The following NAV2 variants were observed in gnomAD, a reference collection of about 807,000 sequenced individuals.
NAV2 encodes helicase, APC down-regulated 1.
In NAV2, 54 loss-of-function variants were observed where a neutral mutation model predicts 223.2. The ratio of observed to expected loss-of-function variants is 0.24; its 90% CI spans 0.19 to 0.30. NAV2 has a LOEUF of 0.30. NAV2 is among the 10% of genes least tolerant of loss of function. The pLI, the probability that NAV2 is intolerant of heterozygous loss-of-function variation, is 1.00. For synonymous variants in NAV2, 1,279 were observed against 1,239.3 expected (o/e 1.03, Z -0.67); for missense variants, 2,806 against 3,147.5 (o/e 0.89, Z 2.60).
At chr11:19,636,542 G>A (rs1181143357) in intron 1 of NAV2, among the ~76,000 whole-genome samples, 1 of 150,654 alleles carries the variant, frequency 6.6e-6, no homozygotes, top group Non-Finnish European at 1.5e-5. Flanking sequence ...CCAGGCTGGA[G>A]TGCAATGGCG....
At chr11:19,906,712 C>T (rs2042890661) in intron 6 of NAV2, among the ~76,000 whole-genome samples, 1 of 152,160 alleles carries the variant, frequency 6.6e-6, no homozygotes, top group East Asian at 1.9e-4. Flanking sequence ...GAAGCAGATG[C>T]TGGCAGGTCG....
At chr11:19,777,571 C>A in intron 1 of NAV2, 1 of 454,670 alleles carries the variant, frequency 2.2e-6, no homozygotes, top group Admixed American at 2.4e-5. Context: ...TTTTTAACCC[C>A]CCACCCCGCC....
chr11:19,630,922 C>CAAAAAAAAAAAAAAAAAGAAAAAAAAAAA (rs10642100), intron 1 of NAV2, among the ~76,000 whole-genome samples: 3 of 100,146 alleles, frequency 3.0e-5, no homozygotes, highest in African/African-American at 4.3e-5. Context: ...GGTCCTGTTG[C>CAAAAAAAAAAAAAAAAAGAAAAAAAAAAA]AAAAAAAAAA....
intron 6 of NAV2, among the ~76,000 whole-genome samples, chr11:19,932,275 A>T: frequency 6.7e-6 from 1 of 149,020 alleles, no homozygotes; most frequent in Non-Finnish European, 1.5e-5. Context: ...GAAAAGGAAA[A>T]AAAAAAAGCT....
intron 1 of NAV2, among the ~76,000 whole-genome samples, chr11:19,715,688 G>A (rs114749471): frequency 5.9e-5 from 9 of 152,078 alleles, no homozygotes; most frequent in Non-Finnish European, 1.0e-4. Flanking sequence ...TCATCACCCT[G>A]TCCGTGAAAA....
intron 1 of NAV2, among the ~76,000 whole-genome samples, chr11:19,421,763 G>GGTT (rs1235395216): frequency 4.0e-5 from 1 of 25,316 alleles, no homozygotes; most frequent in East Asian, 2.9e-3. Flanking sequence ...TAAGAGAGAG[G>GGTT]CTTTTTTTTT....
chr11:20,065,938 C>T (rs1223204568), intron 20 of NAV2, among the ~76,000 whole-genome samples: 2 of 152,188 alleles, frequency 1.3e-5, no homozygotes, highest in African/African-American at 4.8e-5. Flanking sequence ...GAGAATATGC[C>T]TAGGCTCTGG....
chr11:19,448,994 A>AT (rs557349572), intron 1 of NAV2, among the ~76,000 whole-genome samples: 19 of 150,584 alleles, frequency 1.3e-4, no homozygotes, highest in South Asian at 4.2e-4. Context: ...GTGTGAGACT[A>AT]TTTTTTTTTT....
chr11:20,051,417 T>C, intron 17 of NAV2, 84 bp downstream of exon 17: 1 of 1,358,404 alleles, frequency 7.4e-7, no homozygotes, highest in Non-Finnish European at 1.1e-6. Context: ...CTGGTGGGGG[T>C]TTGGGCTGGG....
At chr11:19,548,809 C>T (rs1343059965) in intron 1 of NAV2, among the ~76,000 whole-genome samples, 2 of 142,472 alleles carry the variant, frequency 1.4e-5, no homozygotes, top group South Asian at 2.3e-4. Flanking sequence ...ACCCGGAAGG[C>T]GGAGCTTGCA....
intron 1 of NAV2, among the ~76,000 whole-genome samples, chr11:19,539,969 T>TA (rs1377747465): frequency 6.6e-6 from 1 of 152,194 alleles, no homozygotes; most frequent in Non-Finnish European, 1.5e-5. Context: ...TAGGAGCACA[T>TA]AATCCCATCA....
At chr11:19,566,339 A>G (rs1391799118) in intron 1 of NAV2, among the ~76,000 whole-genome samples, 5 of 152,172 alleles carry the variant, frequency 3.3e-5, no homozygotes, top group African/African-American at 1.2e-4. Flanking sequence ...CGGCCTCCCA[A>G]AGTGCTGGGA....
intron 1 of NAV2, among the ~76,000 whole-genome samples, chr11:19,729,648 G>T (rs1184906397): frequency 6.6e-6 from 1 of 152,284 alleles, no homozygotes; most frequent in African/African-American, 2.4e-5. Context: ...GATGCTCAGG[G>T]CACCAGAGTG....
At chr11:20,045,695 G>C in intron 14 of NAV2, 25 bp downstream of exon 14, 1 of 1,559,174 alleles carries the variant, frequency 6.4e-7, no homozygotes, top group South Asian at 1.1e-5. Flanking sequence ...AAATGGTGCA[G>C]AGCAGAACCA....
intron 1 of NAV2, among the ~76,000 whole-genome samples, chr11:19,690,063 C>T (rs1408805318): frequency 1.3e-5 from 2 of 152,126 alleles, no homozygotes; most frequent in African/African-American, 4.8e-5. Context: ...CTCCGCCTCC[C>T]GGGTTTAAGT....
At chr11:19,884,405 A>T in intron 5 of NAV2, 2 of 1,523,514 alleles carry the variant, frequency 1.3e-6, no homozygotes, top group South Asian at 2.3e-5. Flanking sequence ...TTTAATCCCA[A>T]CCCACTGTTC....
At chr11:19,817,828 C>G (rs752809003) in intron 1 of NAV2, among the ~76,000 whole-genome samples, 28 of 152,178 alleles carry the variant, frequency 1.8e-4, no homozygotes, top group African/African-American at 6.8e-4. Flanking sequence ...CCTTCACCTA[C>G]TAGGAAGCGG....
intron 12 of NAV2, among the ~76,000 whole-genome samples, chr11:20,039,231 G>T (rs1308425314): frequency 2.0e-5 from 3 of 152,182 alleles, no homozygotes; most frequent in Admixed American, 6.5e-5. Flanking sequence ...GACATCCTTG[G>T]ATGAACTAAG....
intron 1 of NAV2, among the ~76,000 whole-genome samples, chr11:19,823,880 A>T (rs1410491985): frequency 6.6e-6 from 1 of 151,948 alleles, no homozygotes; most frequent in South Asian, 2.1e-4. Context: ...ACAAACCTGC[A>T]CGTTCTACAC....
Sources: allele counts gnomAD v4.1 joint callset (sites outside exome capture counted in the v4.1 genomes callset), GRCh38; gene constraint gnomAD v4.1.1; transcripts MANE v1.5; gene names NCBI Gene and HGNC (gene_info 2026-07-23, HGNC 2026-07-21).